MARCHF1: variants seen among roughly 807,000 people sequenced by gnomAD.
MARCHF1 encodes the protein membrane associated ring-CH-type finger 1.
Under a neutral mutation model 54.2 loss-of-function variants are expected in MARCHF1, and 40 were observed. The observed-to-expected ratio is 0.74, with a 90% CI of 0.57 to 0.96. MARCHF1 has a LOEUF of 0.96. Among genes scored for constraint, MARCHF1 ranks in the 40% least tolerant of loss-of-function variants. MARCHF1 has a pLI of 0.00. For synonymous variants in MARCHF1, 236 were observed against 236.3 expected (o/e 1.00, Z 0.01); for missense variants, 586 against 656.5 (o/e 0.89, Z 1.17).
intron 1 of MARCHF1, among the ~76,000 whole-genome samples, chr4:164,294,036 T>C (rs1273194610): frequency 6.6e-6 from 1 of 152,206 alleles, no homozygotes; most frequent in African/African-American, 2.4e-5. Flanking sequence ...AAGAGCAAAC[T>C]TGCTGAGTCT....
At chr4:164,100,525 T>G (rs867565570) in intron 2 of MARCHF1, among the ~76,000 whole-genome samples, 2 of 152,260 alleles carry the variant, frequency 1.3e-5, no homozygotes. Flanking sequence ...TAAGAATATG[T>G]GTTGCCTAAA....
intron 1 of MARCHF1, among the ~76,000 whole-genome samples, chr4:164,350,513 C>A (rs1205837715): frequency 6.6e-6 from 1 of 152,024 alleles, no homozygotes; most frequent in Non-Finnish European, 1.5e-5. Context: ...TGAATCTTCC[C>A]AACTCAAAGA....
chr4:164,229,664 G>A (rs759188680), intron 1 of MARCHF1, among the ~76,000 whole-genome samples: 57 of 152,278 alleles, frequency 3.7e-4, no homozygotes, highest in Admixed American at 7.2e-4. Flanking sequence ...GGTTGTATAG[G>A]AAGCATGATA....
At chr4:163,797,590 C>G (rs1406368347) in intron 4 of MARCHF1, among the ~76,000 whole-genome samples, 2 of 151,940 alleles carry the variant, frequency 1.3e-5, no homozygotes, top group East Asian at 3.9e-4. Flanking sequence ...TAATTTTGCT[C>G]TGTACTACAT....
chr4:164,263,917 C>A (rs532381300), intron 1 of MARCHF1, among the ~76,000 whole-genome samples: 9 of 152,286 alleles, frequency 5.9e-5, no homozygotes, highest in African/African-American at 2.2e-4. Flanking sequence ...TCAGTTCAAT[C>A]ATTGTGCAAA....
intron 5 of MARCHF1, among the ~76,000 whole-genome samples, chr4:163,656,706 C>A (rs1743157122): frequency 6.6e-6 from 1 of 152,076 alleles, no homozygotes; most frequent in African/African-American, 2.4e-5. Flanking sequence ...GCTTATCCAC[C>A]ATGATCAAGT....
intron 7 of MARCHF1, among the ~76,000 whole-genome samples, chr4:163,588,057 C>T (rs1157056077): frequency 6.6e-6 from 1 of 152,018 alleles, no homozygotes; most frequent in Admixed American, 6.6e-5. Flanking sequence ...GCAGACTACA[C>T]CAGGATTTTG....
chr4:164,212,443 T>C (rs1233682081), intron 1 of MARCHF1, among the ~76,000 whole-genome samples: 2 of 152,166 alleles, frequency 1.3e-5, no homozygotes, highest in Non-Finnish European at 2.9e-5. Flanking sequence ...CATTTTTCTA[T>C]TTTGATATCT....
intron 3 of MARCHF1, among the ~76,000 whole-genome samples, chr4:163,986,508 G>T (rs554873097): frequency 1.3e-5 from 2 of 151,484 alleles, no homozygotes; most frequent in Non-Finnish European, 2.9e-5. Context: ...CTTGTGATCC[G>T]CCCGCCTCGG....
intron 3 of MARCHF1, among the ~76,000 whole-genome samples, chr4:163,894,734 T>C (rs1304842399): frequency 8.6e-5 from 5 of 58,046 alleles, no homozygotes; most frequent in African/African-American, 2.8e-4. Context: ...ATGTGATGCA[T>C]ATATATATGC....
intron 4 of MARCHF1, among the ~76,000 whole-genome samples, chr4:163,709,576 T>A (rs1360349418): frequency 6.6e-6 from 1 of 152,190 alleles, no homozygotes; most frequent in Non-Finnish European, 1.5e-5. Flanking sequence ...GTGTTGTATG[T>A]ATGTGTATGT....
At position 163,755,998 on chromosome 4, in the gene MARCHF1, T is replaced by C. The variant is rs115595465; in HGVS notation, c.112-55135A>G. 3.8e-3 allele frequency among the ~76,000 whole-genome samples: 582 copies of C among 152,320 alleles called. 3 individuals are homozygous for C. Among genetic ancestry groups the C allele is most frequent in the African/African-American group, 0.013 (559 of 41,568 alleles). On this transcript the variant is annotated intron_variant, in intron 4 of 9. Transcript: ENST00000514618. ...CTAATAAGCAGTGAAATATATTTTA[T>C]TCTATTATATAATTTGACCTTGCCC...
At chr4:164,146,136 A>G (rs1165361791) in intron 1 of MARCHF1, among the ~76,000 whole-genome samples, 4 of 134,250 alleles carry the variant, frequency 3.0e-5, no homozygotes, top group Non-Finnish European at 6.2e-5. Context: ...GACCTCTTCA[A>G]GGAGAACTAC....
At chr4:164,159,667 T>G (rs765108124) in intron 1 of MARCHF1, among the ~76,000 whole-genome samples, 1 of 152,160 alleles carries the variant, frequency 6.6e-6, no homozygotes, top group Admixed American at 6.5e-5. Flanking sequence ...TGTAAATTTG[T>G]GCAGAAACGT....
chr4:163,857,578 T>C (rs781158198), intron 3 of MARCHF1, among the ~76,000 whole-genome samples: 34 of 152,228 alleles, frequency 2.2e-4, no homozygotes, highest in South Asian at 4.1e-4. Context: ...GAGCAACTTA[T>C]ATAATGATCA....
intron 3 of MARCHF1, among the ~76,000 whole-genome samples, chr4:163,881,669 A>G (rs985210777): frequency 6.9e-6 from 1 of 144,818 alleles, no homozygotes; most frequent in African/African-American, 2.5e-5. Context: ...GGTTGGGATC[A>G]GGCTACAGAA....
chr4:164,186,506 T>G (rs1403197397), intron 1 of MARCHF1, among the ~76,000 whole-genome samples: 5 of 152,216 alleles, frequency 3.3e-5, no homozygotes, highest in Admixed American at 3.3e-4. Flanking sequence ...TTTTGGCTTC[T>G]ATTTGGAAGG....
chr4:164,062,626 G>C (rs756095046), intron 2 of MARCHF1, among the ~76,000 whole-genome samples: 4 of 152,126 alleles, frequency 2.6e-5, no homozygotes, highest in African/African-American at 4.8e-5. Flanking sequence ...CTGGGTTCCA[G>C]CTATTCTCCT....
intron 2 of MARCHF1, among the ~76,000 whole-genome samples, chr4:164,056,910 C>T (rs1354773916): frequency 6.6e-6 from 1 of 152,238 alleles, no homozygotes; most frequent in African/African-American, 2.4e-5. Flanking sequence ...CTCGCTCTCA[C>T]ACTGACCCAG....
Sources: allele counts gnomAD v4.1 joint callset (sites outside exome capture counted in the v4.1 genomes callset), GRCh38; gene constraint gnomAD v4.1.1; transcripts MANE v1.5; gene names NCBI Gene and HGNC (gene_info 2026-07-23, HGNC 2026-07-21).